The following FERRY3 variants were observed in gnomAD, a reference collection of about 807,000 sequenced individuals.
FERRY3 encodes FERRY endosomal RAB5 effector complex subunit 3.
At chr12:4,534,347 T>A in the FERRY3 span, 1 of 1,528,394 alleles carries the variant, frequency 6.5e-7, no homozygotes. Flanking sequence ...AATCCAGGTA[T>A]AAATAGGGAA....
At chr12:4,514,528 AATGTGGCACAT>A in the FERRY3 span, among the ~76,000 whole-genome samples, 1 of 152,134 alleles carries the variant, frequency 6.6e-6, no homozygotes, top group Admixed American at 6.5e-5. Flanking sequence ...AGATTAAGAA[AATGTGGCACAT>A]ATACACCATG....
chr12:4,532,229 G>A, the FERRY3 span, among the ~76,000 whole-genome samples: 200 of 151,872 alleles, frequency 1.3e-3, 3 homozygotes, highest in African/African-American at 4.7e-3. Context: ...TAGCCCTCCT[G>A]CACTCACCTT....
At chr12:4,519,004 C>T in the FERRY3 span, 1 of 555,252 alleles carries the variant, frequency 1.8e-6, no homozygotes, top group Non-Finnish European at 3.0e-6. The surrounding 1 kb of genome is among the most constrained non-coding windows in gnomAD (Gnocchi z 4.3). Flanking sequence ...TAAACTCATC[C>T]TTAATCCATG....
At chr12:4,513,352 C>T in the FERRY3 span, among the ~76,000 whole-genome samples, 1 of 152,186 alleles carries the variant, frequency 6.6e-6, no homozygotes, top group Admixed American at 6.5e-5. Flanking sequence ...ATCCGCATCA[C>T]AAGCTACCAA....
chr12:4,521,387 A>G, the FERRY3 span, among the ~76,000 whole-genome samples: 1 of 152,150 alleles, frequency 6.6e-6, no homozygotes, highest in Non-Finnish European at 1.5e-5. Context: ...GAGGAGAAGA[A>G]AAAAGAAGAG....
chr12:4,523,055 C>A, the FERRY3 span, among the ~76,000 whole-genome samples: 21 of 152,160 alleles, frequency 1.4e-4, no homozygotes, highest in Non-Finnish European at 2.2e-4. Flanking sequence ...TCAAACTGTA[C>A]ACCTAAAAGA....
the FERRY3 span, among the ~76,000 whole-genome samples, chr12:4,531,937 G>A: frequency 6.6e-6 from 1 of 152,188 alleles, no homozygotes; most frequent in African/African-American, 2.4e-5. Flanking sequence ...TTAGGGAAAA[G>A]GAATCAGGCT....
the FERRY3 span, among the ~76,000 whole-genome samples, chr12:4,493,207 C>T: frequency 8.5e-5 from 13 of 152,270 alleles, no homozygotes; most frequent in African/African-American, 3.1e-4. Context: ...CATTTTTATC[C>T]TGTCGTTTTT....
At chr12:4,521,954 C>G in the FERRY3 span, among the ~76,000 whole-genome samples, 1 of 152,092 alleles carries the variant, frequency 6.6e-6, no homozygotes, top group Non-Finnish European at 1.5e-5. Context: ...TTTTGAGTAA[C>G]AAAACTACTC....
At chr12:4,508,007 AGT>A in the FERRY3 span, among the ~76,000 whole-genome samples, 7 of 152,316 alleles carry the variant, frequency 4.6e-5, no homozygotes, top group African/African-American at 1.4e-4. Context: ...GAATTTTGAG[AGT>A]GTTTTACCTA....
chr12:4,490,386 C>T, the FERRY3 span: 49 of 614,756 alleles, frequency 8.0e-5, no homozygotes, highest in African/African-American at 7.5e-4. Context: ...CATCCAAATA[C>T]TTCTCTCCTT....
chr12:4,522,403 C>T, the FERRY3 span, among the ~76,000 whole-genome samples: 3 of 152,142 alleles, frequency 2.0e-5, no homozygotes, highest in African/African-American at 7.2e-5. Flanking sequence ...AATAAGAAGA[C>T]ACATTTTTCC....
chr12:4,533,776 G>A, the FERRY3 span, among the ~76,000 whole-genome samples: 1 of 152,168 alleles, frequency 6.6e-6, no homozygotes, highest in Admixed American at 6.5e-5. Context: ...ACTTAAATTA[G>A]AATTTCAGAT....
the FERRY3 span, among the ~76,000 whole-genome samples, chr12:4,523,877 G>A: frequency 2.0e-5 from 3 of 152,046 alleles, no homozygotes; most frequent in Non-Finnish European, 4.4e-5. Context: ...GTTAATGGGT[G>A]CAGCACACCA....
chr12:4,492,734 T>C, the FERRY3 span, among the ~76,000 whole-genome samples: 4 of 152,140 alleles, frequency 2.6e-5, no homozygotes, highest in Non-Finnish European at 5.9e-5. Flanking sequence ...TGAATTCTAG[T>C]GTTTCCCCTC....
chr12:4,508,734 ACT>A, the FERRY3 span: 1 of 151,380 alleles, frequency 6.6e-6, no homozygotes. Flanking sequence ...ACAGAGTGAG[ACT>A]CTGTCTCAAA....
At chr12:4,522,259 T>C in the FERRY3 span, among the ~76,000 whole-genome samples, 1 of 152,102 alleles carries the variant, frequency 6.6e-6, no homozygotes, top group Non-Finnish European at 1.5e-5. Context: ...TTAACTAAAA[T>C]GAAAAACTTC....
At chr12:4,526,366 GTATGT>G in the FERRY3 span, among the ~76,000 whole-genome samples, 6 of 152,132 alleles carry the variant, frequency 3.9e-5, no homozygotes, top group African/African-American at 7.2e-5. Context: ...TTTTCTGTGT[GTATGT>G]TATATTTTAA....
the FERRY3 span, among the ~76,000 whole-genome samples, chr12:4,510,966 C>T: frequency 6.6e-6 from 1 of 151,934 alleles, no homozygotes; most frequent in African/African-American, 2.4e-5. Flanking sequence ...AGAGTCAAGA[C>T]CCATCAGTGT....
Sources: gnomAD v4.1 joint callset for allele counts (sites outside exome capture counted in the v4.1 genomes callset) on GRCh38, gnomAD v4.1.1 for gene constraint, Gnocchi (gnomAD v3.1) non-coding constraint, MANE v1.5 for transcripts, NCBI Gene and HGNC (gene_info 2026-07-23, HGNC 2026-07-21) for gene names.